Variants in NAALADL2 observed in about 807,000 individuals in gnomAD.
NAALADL2 encodes N-acetylated alpha-linked acidic dipeptidase like 2.
A neutral mutation model predicts 87.2 loss-of-function variants in NAALADL2; 76 were observed. The observed-to-expected ratio is 0.87, with a 90% CI of 0.72 to 1.05. The LOEUF is 1.05. Ranked by LOEUF, NAALADL2 falls within the 50% of genes least tolerant of loss-of-function variation. The pLI, the probability that NAALADL2 is intolerant of heterozygous loss-of-function variation, is 0.00. For missense variants in NAALADL2, 1,089 were observed against 945.8 expected (o/e 1.15, Z -1.99); for synonymous variants, 354 against 331.0 (o/e 1.07, Z -0.75).
chr3:175,637,766 T>C (rs1292767701), intron 11 of NAALADL2, among the ~76,000 whole-genome samples: 1 of 152,220 alleles, frequency 6.6e-6, no homozygotes, highest in African/African-American at 2.4e-5. Flanking sequence ...ATTTTCTTTA[T>C]AAATTACCCA....
chr3:175,170,424 G>A (rs1734633741), intron 2 of NAALADL2, among the ~76,000 whole-genome samples: 1 of 146,606 alleles, frequency 6.8e-6, no homozygotes, highest in Non-Finnish European at 1.5e-5. Context: ...TTTAAATGGA[G>A]TTAAAATTTA....
At chr3:175,352,130 A>G (rs1305270228) in intron 5 of NAALADL2, among the ~76,000 whole-genome samples, 5 of 151,144 alleles carry the variant, frequency 3.3e-5, no homozygotes, top group Non-Finnish European at 7.4e-5. Context: ...AACATGCTCT[A>G]TATTGGTGAG....
rs77308000 is a variant in NAALADL2, at chr3:174,448,203, C to G, written c.-184+7171C>G. On this transcript the variant is annotated intron_variant, in intron 1 of 3. Coordinates refer to the NAALADL2 transcript ENST00000434257. The stretch of plus-strand genomic sequence containing the variant: ...AAAAGGTACTGTGTTACTCTTTAAC[C>G]AGTTTCTCCCACTGGCTACATCTTC... 4.1e-3 allele frequency among the ~76,000 whole-genome samples: 629 copies of G among 152,226 alleles called. 2 individuals carry two copies. The highest frequency in any genetic ancestry group is 7.1e-3 in the Non-Finnish European group (483 of 68,006).
chr3:174,487,364 T>C (rs868603352), intron 1 of NAALADL2, among the ~76,000 whole-genome samples: 25 of 152,060 alleles, frequency 1.6e-4, no homozygotes, highest in Non-Finnish European at 1.6e-4. Flanking sequence ...TAATTATTAT[T>C]AATGCCCATT....
intron 5 of NAALADL2, among the ~76,000 whole-genome samples, chr3:175,350,097 C>A (rs1763604928): frequency 6.7e-6 from 1 of 148,294 alleles, no homozygotes; most frequent in African/African-American, 2.5e-5. Flanking sequence ...TTAATTAAGT[C>A]TTTCTTTCAA....
chr3:175,631,687 A>T (rs1727788645), intron 11 of NAALADL2, among the ~76,000 whole-genome samples: 3 of 151,966 alleles, frequency 2.0e-5, no homozygotes, highest in African/African-American at 7.2e-5. Flanking sequence ...TTATCATAGA[A>T]ACCAAACTAA....
chr3:175,667,258 AAAGAAAGGAAGG>A (rs1560943933), intron 11 of NAALADL2, among the ~76,000 whole-genome samples: 23 of 138,884 alleles, frequency 1.7e-4, no homozygotes, highest in African/African-American at 7.4e-4. Flanking sequence ...AGAAAGAAAG[AAAGAAAGGAAGG>A]AAGGGATGGG....
chr3:175,467,777 A>C (rs1724304384), intron 8 of NAALADL2, among the ~76,000 whole-genome samples: 1 of 152,110 alleles, frequency 6.6e-6, no homozygotes, highest in African/African-American at 2.4e-5. Flanking sequence ...AATGAAATCT[A>C]GCATGCAATG....
chr3:175,788,621 A>C (rs975006132), intron 13 of NAALADL2, among the ~76,000 whole-genome samples: 1 of 152,196 alleles, frequency 6.6e-6, no homozygotes, highest in Non-Finnish European at 1.5e-5. Context: ...ATGTTTGCAC[A>C]ATAATGAAAT....
At chr3:174,721,530 G>A (rs1731708891) in intron 2 of NAALADL2, among the ~76,000 whole-genome samples, 1 of 152,132 alleles carries the variant, frequency 6.6e-6, no homozygotes. Context: ...GGAAGATATG[G>A]CTCCTTGTTG....
intron 2 of NAALADL2, among the ~76,000 whole-genome samples, chr3:174,606,735 G>C (rs1719115463): frequency 6.6e-6 from 1 of 152,148 alleles, no homozygotes; most frequent in Non-Finnish European, 1.5e-5. Context: ...AACCAAGTTG[G>C]AAAACCCTCT....
intron 2 of NAALADL2, among the ~76,000 whole-genome samples, chr3:174,664,182 C>A (rs1208142631): frequency 6.6e-6 from 1 of 152,082 alleles, no homozygotes; most frequent in Non-Finnish European, 1.5e-5. Context: ...ATATCAAAAT[C>A]AAAAATAGTA....
intron 10 of NAALADL2, among the ~76,000 whole-genome samples, chr3:175,586,273 G>T (rs1720526849): frequency 6.9e-6 from 1 of 145,904 alleles, no homozygotes; most frequent in African/African-American, 2.6e-5. Context: ...CTACAAAGAA[G>T]ACATAGCCTT....
At chr3:174,727,120 TC>T (rs924331645) in intron 2 of NAALADL2, among the ~76,000 whole-genome samples, 5 of 152,072 alleles carry the variant, frequency 3.3e-5, no homozygotes, top group Non-Finnish European at 7.4e-5. Flanking sequence ...TTGGCTTTAT[TC>T]AAGGAGTTGT....
At chr3:175,503,167 G>A (rs1246170137) in intron 9 of NAALADL2, among the ~76,000 whole-genome samples, 1 of 152,064 alleles carries the variant, frequency 6.6e-6, no homozygotes, top group Admixed American at 6.6e-5. Flanking sequence ...CCACTTACAA[G>A]TTAGAACTTG....
intron 1 of NAALADL2, among the ~76,000 whole-genome samples, chr3:174,979,269 T>C (rs1744778384): frequency 6.6e-6 from 1 of 151,314 alleles, no homozygotes; most frequent in Non-Finnish European, 1.5e-5. Context: ...ATAAAAGACT[T>C]ACCAATATCT....
chr3:175,044,154 C>T (rs1379833245), intron 1 of NAALADL2, among the ~76,000 whole-genome samples: 2 of 151,870 alleles, frequency 1.3e-5, no homozygotes, highest in Non-Finnish European at 2.9e-5. Context: ...CTCTCAATTT[C>T]TGTTTTGTGT....
At chr3:175,311,644 C>T (rs1260648959) in intron 4 of NAALADL2, among the ~76,000 whole-genome samples, 2 of 149,650 alleles carry the variant, frequency 1.3e-5, no homozygotes, top group African/African-American at 4.9e-5. Context: ...TTATCCCTTC[C>T]TCTCTCCCTC....
intron 5 of NAALADL2, among the ~76,000 whole-genome samples, chr3:175,406,902 C>T (rs543056707): frequency 8.6e-5 from 13 of 151,892 alleles, no homozygotes; most frequent in Non-Finnish European, 1.2e-4. Flanking sequence ...AAGTGTCGGC[C>T]GGGCGCTGTG....
Sources: gnomAD v4.1 joint callset for allele counts (sites outside exome capture counted in the v4.1 genomes callset) on GRCh38, gnomAD v4.1.1 for gene constraint, MANE v1.5 for transcripts, NCBI Gene and HGNC (gene_info 2026-07-23, HGNC 2026-07-21) for gene names.